The following ATP2B2 variants were observed in gnomAD, a reference collection of about 807,000 sequenced individuals.
The protein encoded by ATP2B2 is ATPase plasma membrane Ca2+ transporting 2.
Under a neutral mutation model 120.0 loss-of-function variants are expected in ATP2B2, and 15 were observed. The observed-to-expected ratio is 0.12, with a 90% confidence interval of 0.08 to 0.19. ATP2B2 has a LOEUF of 0.19. ATP2B2 is among the 10% of genes least tolerant of loss of function. The pLI is 1.00. For missense variants in ATP2B2, 1,045 were observed against 1,719.8 expected (o/e 0.61, Z 6.94); for synonymous variants, 694 against 700.3 (o/e 0.99, Z 0.14).
Position 10,600,550 on chromosome 3 carries a change from C to G in ATP2B2, c.-415+19367G>C, listed in dbSNP as rs143682522. 2.2e-3 allele frequency among the ~76,000 whole-genome samples: 330 copies of G among 152,342 alleles called. 3 individuals are homozygous for G. The highest frequency in any genetic ancestry group is 7.5e-3 in the African/African-American group (312 of 41,574). ...CATGGGGTAAAACAAAAGGCCCTTT[C>G]ACGGCGAGAACTGGCTCTGCTTACA... On this transcript the variant is annotated intron_variant, in intron 2 of 21. Transcript: ENST00000646379.
chr3:10,527,660 C>T lies in ATP2B2; in HGVS notation c.-320+6379G>A, dbSNP rs2067125022. 2.0e-5 allele frequency among the ~76,000 whole-genome samples: 3 copies of T among 152,230 alleles called. No individual in the cohort carries two copies. In the South Asian group the frequency reaches 6.2e-4, roughly 31 times the overall value. On this transcript the variant is annotated intron_variant, in intron 3 of 21. Transcript: ENST00000646379. Reference sequence around the variant, plus strand: ...AACCCCCTACCTCCCCACCACTGCCCTGCCCTGAACTGGAGACCCAGGCTT... The same window carrying T: ...AACCCCCTACCTCCCCACCACTGCCTTGCCCTGAACTGGAGACCCAGGCTT...
chr3:10,467,111 G>C (rs2064778845), intron 1 of ATP2B2, among the ~76,000 whole-genome samples: 1 of 152,238 alleles, frequency 6.6e-6, no homozygotes. Context: ...ATAAGTCTTT[G>C]ACACTGGATT....
intron 2 of ATP2B2, among the ~76,000 whole-genome samples, chr3:10,557,915 A>G (rs2067816708): frequency 1.3e-5 from 2 of 152,090 alleles, no homozygotes; most frequent in Non-Finnish European, 2.9e-5. Flanking sequence ...TGGTGTGGCC[A>G]GGCATGCCTC....
intron 2 of ATP2B2, among the ~76,000 whole-genome samples, chr3:10,562,184 C>A (rs2067916882): frequency 6.6e-6 from 1 of 152,024 alleles, no homozygotes; most frequent in African/African-American, 2.4e-5. Flanking sequence ...GGAGAAAAGC[C>A]CTTATGGTAG....
intron 12 of ATP2B2, among the ~76,000 whole-genome samples, chr3:10,361,908 G>C (rs542607521): frequency 8.5e-5 from 13 of 152,302 alleles, no homozygotes; most frequent in African/African-American, 3.1e-4. Context: ...GGGGAGACTG[G>C]TTAATGGTAA....
Position 10,328,622 on chromosome 3 carries a change from A to G in ATP2B2, c.*192T>C. ...GATCCCGCCCCTTGCCTTGAAGTGA[A>G]AAAGAGTTCAAACAGCATCGCAGCC... On this transcript the variant is annotated 3_prime_UTR_variant, in exon 23 of 23. Transcript: ENST00000360273. The G allele has an allele frequency of 1.5e-6, 1 of 647,830 alleles. No individual in the cohort carries two copies. Among genetic ancestry groups the G allele is most frequent in the Non-Finnish European group, 2.6e-6 (1 of 385,828 alleles). The allele number at this position is 647,830 out of a possible 1,614,324, so 40.1% of individuals were successfully genotyped here.
At position 10,375,280 on chromosome 3, in the gene ATP2B2, G is replaced by C. The variant is rs764662243; in HGVS notation, c.1416+150C>G. On this transcript the variant is annotated intron_variant, in intron 11 of 22. Transcript: ENST00000360273. This position sits in a 1 kb window ranked among gnomAD's most constrained non-coding sequence, Gnocchi z 4.2. ...ACTCTATGAAAGCGTCAGAGTTTTGGGGTCCTGCATACATTCTTCTTCCAA... is the reference window on the plus strand; with the variant it reads ...ACTCTATGAAAGCGTCAGAGTTTTGCGGTCCTGCATACATTCTTCTTCCAA... The C allele has an allele frequency of 4.7e-5, 31 of 656,610 alleles. No individual in the cohort carries two copies. Among genetic ancestry groups the C allele is most frequent in the Non-Finnish European group, 7.2e-5 (27 of 375,062 alleles). 40.7% of individuals were successfully genotyped at this position (656,610 alleles called of 1,614,324 possible). A position where few individuals can be genotyped will look rare whatever the true frequency, so the allele number is the denominator to read the frequency against.
chr3:10,560,293 C>G (rs753528150), intron 2 of ATP2B2, among the ~76,000 whole-genome samples: 1 of 152,168 alleles, frequency 6.6e-6, no homozygotes, highest in Non-Finnish European at 1.5e-5. Context: ...CTTCTGATGA[C>G]GGCTGGAGTC....
chr3:10,350,230 G>T, intron 15 of ATP2B2, 31 bp from the exon 16 acceptor site: 7 of 1,543,222 alleles, frequency 4.5e-6, no homozygotes, highest in Non-Finnish European at 6.3e-6. Flanking sequence ...GGGCGGGTCG[G>T]TGGGGTCGGG....
At chr3:10,476,205 G>C (rs1461523925) in intron 1 of ATP2B2, among the ~76,000 whole-genome samples, 1 of 152,230 alleles carries the variant, frequency 6.6e-6, no homozygotes, top group Non-Finnish European at 1.5e-5. Context: ...ATGACAGGTT[G>C]CCCCAGATCA....
Position 10,494,018 on chromosome 3 carries a change from G to A in ATP2B2, c.-320+11447C>T, listed in dbSNP as rs562970603. 1.2e-4 allele frequency among the ~76,000 whole-genome samples: 18 copies of A among 152,302 alleles called. No homozygotes were observed. The South Asian group carries it at 2.9e-3, about 25-fold the overall frequency. ...AAGTGTGGGGCTGGGAAGGTAGGGTGGGGACAGGCACTCCATCACAAATGC... is the reference window on the plus strand; with the variant it reads ...AAGTGTGGGGCTGGGAAGGTAGGGTAGGGACAGGCACTCCATCACAAATGC... On this transcript the variant is annotated intron_variant, in intron 1 of 22. Transcript: ENST00000360273.
At chr3:10,576,564 G>C (rs1402884151) in intron 2 of ATP2B2, among the ~76,000 whole-genome samples, 2 of 151,972 alleles carry the variant, frequency 1.3e-5, no homozygotes, top group Non-Finnish European at 2.9e-5. Context: ...ATTGTTTGTA[G>C]AGATGGGGTC....
At chr3:10,690,479 T>TCTATCTATCTAC (rs2071637639) in intron 1 of ATP2B2, among the ~76,000 whole-genome samples, 1 of 151,958 alleles carries the variant, frequency 6.6e-6, no homozygotes, top group Non-Finnish European at 1.5e-5. Context: ...TATCTATCTA[T>TCTATCTATCTAC]ATATCTCCTT....
At chr3:10,606,124 CA>C (rs1434477596) in intron 2 of ATP2B2, among the ~76,000 whole-genome samples, 1 of 151,976 alleles carries the variant, frequency 6.6e-6, no homozygotes, top group Non-Finnish European at 1.5e-5. Context: ...TCTCTAAAAA[CA>C]AAAACAAAAA....
intron 1 of ATP2B2, among the ~76,000 whole-genome samples, chr3:10,658,987 T>C (rs988532088): frequency 2.0e-5 from 3 of 152,122 alleles, no homozygotes; most frequent in Non-Finnish European, 2.9e-5. Context: ...TCATATCTAG[T>C]CAAACTAAGC....
intron 2 of ATP2B2, among the ~76,000 whole-genome samples, chr3:10,558,381 A>G (rs952133723): frequency 6.6e-6 from 1 of 152,108 alleles, no homozygotes; most frequent in Non-Finnish European, 1.5e-5. Context: ...GACTGCAGGG[A>G]ATTAAGTGCT....
At chr3:10,485,339 G>A (rs1288725880) in intron 1 of ATP2B2, among the ~76,000 whole-genome samples, 1 of 152,238 alleles carries the variant, frequency 6.6e-6, no homozygotes, top group Non-Finnish European at 1.5e-5. Flanking sequence ...GCTGGTGGGT[G>A]ACAGGGCTGG....
intron 2 of ATP2B2, among the ~76,000 whole-genome samples, chr3:10,591,882 C>T (rs576016781): frequency 1.3e-5 from 2 of 152,224 alleles, no homozygotes; most frequent in Non-Finnish European, 2.9e-5. Flanking sequence ...CTTCATCAGC[C>T]AGGGATCAGG....
intron 3 of ATP2B2, among the ~76,000 whole-genome samples, chr3:10,532,705 G>C (rs1266985956): frequency 6.6e-6 from 1 of 152,228 alleles, no homozygotes; most frequent in Non-Finnish European, 1.5e-5. Context: ...CAAAGTGCTT[G>C]GGCAAGAAAC....
Sources: allele counts gnomAD v4.1 joint callset (sites outside exome capture counted in the v4.1 genomes callset), GRCh38; gene constraint gnomAD v4.1.1; non-coding constraint Gnocchi (gnomAD v3.1); transcripts MANE v1.5; gene names NCBI Gene and HGNC (gene_info 2026-07-23, HGNC 2026-07-21).